Variants in CLMN observed in about 807,000 individuals in gnomAD.
CLMN encodes calmin.
Under a neutral mutation model 92.7 loss-of-function variants are expected in CLMN, and 57 were observed. The ratio of observed to expected loss-of-function variants is 0.61; its 90% confidence interval spans 0.50 to 0.77. The LOEUF (loss-of-function observed/expected upper bound fraction) is 0.77, where lower values mean the gene tolerates loss of function less well. CLMN is among the 30% of genes least tolerant of loss of function. CLMN has a pLI of 0.00. For synonymous variants in CLMN, 466 were observed against 470.6 expected (o/e 0.99, Z 0.13); for missense variants, 1,158 against 1,237.5 (o/e 0.94, Z 0.96).
At chr14:95,306,655 C>T (rs1436602576) in intron 1 of CLMN, among the ~76,000 whole-genome samples, 3 of 152,164 alleles carry the variant, frequency 2.0e-5, no homozygotes, top group Non-Finnish European at 4.4e-5. Flanking sequence ...CGACCAACAG[C>T]AACAGCAGAC....
At chr14:95,216,062 T>C (rs957984684) in intron 4 of CLMN, among the ~76,000 whole-genome samples, 2 of 152,216 alleles carry the variant, frequency 1.3e-5, no homozygotes, top group Non-Finnish European at 2.9e-5. Flanking sequence ...GCAAAGATAC[T>C]ACCTGAGACT....
In CLMN at chr14:95,215,834, T is replaced by C. The variant is rs1314548974; in HGVS notation, c.325-101A>G. ...CTCTCTCTGTGTGTGTGTGTGTGTGTGTGTGTGTGTGTGTGTGTGTGTGTG... is the reference window on the plus strand; with the variant it reads ...CTCTCTCTGTGTGTGTGTGTGTGTGCGTGTGTGTGTGTGTGTGTGTGTGTG... On this transcript the variant is annotated intron_variant, in intron 4 of 12. Transcript: ENST00000298912. 13 of 697,136 alleles carry C rather than the reference T, an allele frequency of 1.9e-5. No individual in the cohort carries two copies. In the East Asian group the frequency reaches 2.7e-4, roughly 15 times the overall value. 43.2% of individuals were successfully genotyped at this position (697,136 alleles called of 1,614,324 possible).
chr14:95,207,882 T>C (rs920525142), intron 8 of CLMN, among the ~76,000 whole-genome samples: 1 of 152,248 alleles, frequency 6.6e-6, no homozygotes, highest in East Asian at 1.9e-4. Context: ...TTCAGCTGCA[T>C]GTTGTAAGGG....
chr14:95,211,151 T>A (rs1324883752), intron 6 of CLMN, among the ~76,000 whole-genome samples: 1 of 152,192 alleles, frequency 6.6e-6, no homozygotes, highest in Non-Finnish European at 1.5e-5. Context: ...AAGGACCAAC[T>A]GTATAGACCA....
chr14:95,226,171 A>G (rs925546521), intron 2 of CLMN, among the ~76,000 whole-genome samples: 5 of 152,200 alleles, frequency 3.3e-5, no homozygotes, highest in Admixed American at 1.3e-4. Context: ...AGGTACCAAC[A>G]TCTGCAGATG....
At position 95,266,055 on chromosome 14, in the gene CLMN, G is replaced by T. The variant is rs182023534; in HGVS notation, c.83-35922C>A. On this transcript the variant is annotated intron_variant, in intron 1 of 12. Transcript: ENST00000298912. The stretch of plus-strand genomic sequence containing the variant: ...ATTTGAGTGGGAGTAAGCAGGTAGT[G>T]CCACAGTCCTTTGATTTGGGAATTT... Among the ~76,000 whole-genome samples, 123 of 152,322 alleles carry T rather than the reference G, an allele frequency of 8.1e-4. 1 individual carries two copies. The South Asian group carries it at 0.014, about 18-fold the overall frequency.
At chr14:95,227,074 GC>G (rs1897735046) in intron 2 of CLMN, among the ~76,000 whole-genome samples, 1 of 152,138 alleles carries the variant, frequency 6.6e-6, no homozygotes, top group Non-Finnish European at 1.5e-5. Flanking sequence ...GATTAATGGG[GC>G]ATGGAGCTCC....
intron 1 of CLMN, among the ~76,000 whole-genome samples, chr14:95,315,323 G>A (rs1199955887): frequency 6.6e-6 from 1 of 152,140 alleles, no homozygotes; most frequent in African/African-American, 2.4e-5. Flanking sequence ...ATTTGTCCTG[G>A]GATGGGCCAA....
intron 1 of CLMN, among the ~76,000 whole-genome samples, chr14:95,312,703 C>T (rs1901594747): frequency 6.6e-6 from 1 of 152,154 alleles, no homozygotes; most frequent in Admixed American, 6.5e-5. Flanking sequence ...GATGTTGGGG[C>T]TTTCTTCTGG....
chr14:95,273,349 G>C (rs1318100393), intron 1 of CLMN, among the ~76,000 whole-genome samples: 1 of 152,212 alleles, frequency 6.6e-6, no homozygotes, highest in Non-Finnish European at 1.5e-5. Context: ...CCCCACTCCA[G>C]AGGCCACACG....
chr14:95,251,329 G>A (rs74605562), intron 1 of CLMN, among the ~76,000 whole-genome samples: 12,779 of 152,142 alleles, frequency 0.084, 545 homozygotes, highest in South Asian at 0.094. Flanking sequence ...TATTCTCACC[G>A]GCCAACCCTA....
At chr14:95,295,110 A>G (rs73333286) in intron 1 of CLMN, among the ~76,000 whole-genome samples, 107 of 151,664 alleles carry the variant, frequency 7.1e-4, no homozygotes, top group African/African-American at 2.5e-3. Flanking sequence ...CTCTGGACTC[A>G]CTCCTTGGAG....
chr14:95,201,169 A>T (rs1391068876), intron 9 of CLMN, among the ~76,000 whole-genome samples: 1 of 151,540 alleles, frequency 6.6e-6, no homozygotes, highest in Non-Finnish European at 1.5e-5. Flanking sequence ...AAAAAAATTT[A>T]AAAATATATA....
At chr14:95,297,043 C>A (rs566399015) in intron 1 of CLMN, among the ~76,000 whole-genome samples, 37 of 152,154 alleles carry the variant, frequency 2.4e-4, no homozygotes, top group African/African-American at 8.2e-4. Context: ...TCGGTGCTTG[C>A]CAGGGGTGGG....
chr14:95,281,677 T>C (rs1039227112), intron 1 of CLMN, among the ~76,000 whole-genome samples: 14 of 152,238 alleles, frequency 9.2e-5, no homozygotes, highest in Non-Finnish European at 4.4e-5. Flanking sequence ...GTTCCAACAA[T>C]AGCCCAGTTC....
chr14:95,234,573 T>A (rs1595603632), intron 1 of CLMN, among the ~76,000 whole-genome samples: 1 of 152,148 alleles, frequency 6.6e-6, no homozygotes, highest in African/African-American at 2.4e-5. Flanking sequence ...GATAGAGTCA[T>A]AAAAGTGCTG....
chr14:95,225,891 T>C (rs1897696096), intron 2 of CLMN, among the ~76,000 whole-genome samples: 1 of 152,200 alleles, frequency 6.6e-6, no homozygotes, highest in Non-Finnish European at 1.5e-5. Flanking sequence ...TTCCACACGG[T>C]ATCTGCTAGG....
At chr14:95,244,724 G>A (rs1188310512) in intron 1 of CLMN, among the ~76,000 whole-genome samples, 1 of 152,082 alleles carries the variant, frequency 6.6e-6, no homozygotes, top group African/African-American at 2.4e-5. Flanking sequence ...ATTTTTACGT[G>A]AAGATGAACC....
In CLMN at chr14:95,194,589, G is replaced by A. The variant is rs771724486; in HGVS notation, c.2716C>T (p.His906Tyr). The A allele has an allele frequency of 3.7e-6, 6 of 1,614,030 alleles. No homozygotes were observed. ...SDYSIPSRTS[H>Y]SDSSIYLRRH... ...CGAAGGTAAATGCTGGAGTCACTGT[G>A]ACTAGTCCTGAAAAACAAACACATG... The change falls in exon 11 of 13, where the codon CAC (histidine) becomes TAC (tyrosine). Residue 906 changes from histidine (H) to tyrosine (Y), a missense_variant. Physicochemically the swap from His to Tyr is moderately conservative, Grantham distance 83. Transcript: ENST00000298912. This position sits in a 1 kb window ranked among gnomAD's most constrained non-coding sequence, Gnocchi z 4.0.
Sources: gnomAD v4.1 joint callset for allele counts (sites outside exome capture counted in the v4.1 genomes callset) on GRCh38, gnomAD v4.1.1 for gene constraint, Gnocchi (gnomAD v3.1) non-coding constraint, MANE v1.5 for transcripts, NCBI Gene and HGNC (gene_info 2026-07-23, HGNC 2026-07-21) for gene names.